The following SMC1A variants were observed in gnomAD, a reference collection of about 807,000 sequenced individuals.
SMC1A encodes the protein structural maintenance of chromosomes 1A.
In SMC1A, 4 loss-of-function variants were observed where a neutral mutation model predicts 94.5. The ratio of observed to expected loss-of-function variants is 0.04; its 90% CI spans 0.02 to 0.10. The LOEUF is 0.10. Among genes scored for constraint, SMC1A ranks in the 10% least tolerant of loss-of-function variants. The pLI is 1.00. For synonymous variants in SMC1A, 345 were observed against 347.7 expected (o/e 0.99, Z 0.09); for missense variants, 304 against 989.0 (o/e 0.31, Z 9.29).
At chrX:53,418,462 T>A (rs1174128035) in intron 1 of SMC1A, among the ~76,000 whole-genome samples, 1 of 111,945 alleles carries the variant, frequency 8.9e-6, no homozygotes, top group Non-Finnish European at 1.9e-5. Context: ...TGAGACAGGG[T>A]CTGACTCTGT....
chrX:53,391,031 G>A (rs2075627435), intron 19 of SMC1A, among the ~76,000 whole-genome samples: 1 of 104,427 alleles, frequency 9.6e-6, no homozygotes, highest in East Asian at 3.0e-4. Context: ...AAGAAAAATG[G>A]GGCCAGGTGT....
intron 9 of SMC1A, among the ~76,000 whole-genome samples, chrX:53,408,426 G>A (rs988550351): frequency 2.7e-5 from 3 of 111,614 alleles, no homozygotes; most frequent in Non-Finnish European, 5.6e-5. Context: ...CAGATTAAGG[G>A]GGCAGGGACT....
chrX:53,384,446 TAG>T (rs782426382), intron 19 of SMC1A, among the ~76,000 whole-genome samples: 5 of 109,680 alleles, frequency 4.6e-5, no homozygotes, highest in Non-Finnish European at 9.5e-5. Flanking sequence ...GTATTTTTTG[TAG>T]AGACAGAGTT....
intron 19 of SMC1A, among the ~76,000 whole-genome samples, chrX:53,387,438 G>A (rs2075609307): frequency 8.9e-6 from 1 of 112,076 alleles, no homozygotes; most frequent in African/African-American, 3.2e-5. Context: ...AATCAATGAC[G>A]TTAAACTAAA....
At chrX:53,403,700 G>A (rs782462009) in intron 14 of SMC1A, 28 bp from the exon 15 acceptor site, 43 of 1,180,801 alleles carry the variant, frequency 3.6e-5, no homozygotes, top group South Asian at 9.1e-5. Context: ...GGAGGGCATC[G>A]GCCCTTTTAG....
chrX:53,409,017 A>G, intron 9 of SMC1A, 45 bp downstream of exon 9: 1 of 1,127,207 alleles, frequency 8.9e-7, no homozygotes, highest in Non-Finnish European at 1.2e-6. Flanking sequence ...ATCGTGTGAC[A>G]GTGAGTGTAA....
intron 1 of SMC1A, 75 bp downstream of exon 1, chrX:53,422,416 TG>T: frequency 1.4e-6 from 1 of 703,456 alleles, no homozygotes; most frequent in Non-Finnish European, 2.3e-6. Flanking sequence ...TTACATGGGC[TG>T]GGTTGTACTA....
chrX:53,404,120 C>T (rs1490176588), intron 13 of SMC1A, among the ~76,000 whole-genome samples: 4 of 111,460 alleles, frequency 3.6e-5, no homozygotes, highest in Middle Eastern at 4.6e-3. Context: ...GCTGGGGACA[C>T]AGTAAACATC....
chrX:53,405,559 A>G lies in SMC1A; in HGVS notation c.1845T>C (p.Asn615=). The G allele has an allele frequency of 8.2e-7, 1 of 1,212,201 alleles. No individual in the cohort carries two copies. Among genetic ancestry groups the G allele is most frequent in the Non-Finnish European group, 1.1e-6 (1 of 895,606 alleles). Residue 615 remains asparagine (N), a synonymous_variant, in exon 11 of 25, where the codon AAT becomes AAC. Coordinates refer to ENST00000322213, the MANE Select transcript of SMC1A (RefSeq NM_006306.4). ...IKKALQYACG[N]ALVCDNVEDA... is the part of the protein sequence containing the mutation. ...CTTCCACGTTGTCACAGACAAGGGC[A>G]TTGCCACAAGCATACTGCAGGGCCT...
intron 19 of SMC1A, among the ~76,000 whole-genome samples, chrX:53,387,687 T>C (rs2146586461): frequency 9.0e-6 from 1 of 111,206 alleles, no homozygotes; most frequent in African/African-American, 3.3e-5. Context: ...ATGGGGAGGA[T>C]GAATCTGGAC....
In SMC1A at chrX:53,378,674, T is replaced by C. The variant is rs1376917030; in HGVS notation, c.*1429A>G. The C allele has an allele frequency of 1.8e-5, 2 of 112,644 alleles. No homozygotes were observed. The highest frequency in any genetic ancestry group is 3.7e-5 in the Non-Finnish European group (2 of 53,354). The allele number at this position is 112,644 out of a possible 1,213,427, so 9.3% of individuals were successfully genotyped here. ...TTCATGCATATTTGGGTAATTAGAA[T>C]GGACTTAACTTTTAAAAAGCAATAT... On this transcript the variant is annotated 3_prime_UTR_variant, in exon 25 of 25. Transcript: ENST00000322213.
intron 19 of SMC1A, among the ~76,000 whole-genome samples, chrX:53,384,997 A>G (rs2075599159): frequency 9.1e-6 from 1 of 109,894 alleles, no homozygotes; most frequent in African/African-American, 3.3e-5. Flanking sequence ...AAAAAAATAT[A>G]TATATATATA....
intron 1 of SMC1A, among the ~76,000 whole-genome samples, chrX:53,420,594 G>A (rs2075751030): frequency 9.1e-6 from 1 of 110,354 alleles, no homozygotes; most frequent in African/African-American, 3.3e-5. Context: ...TTGACACACA[G>A]AGTAGGTACT....
intron 1 of SMC1A, among the ~76,000 whole-genome samples, chrX:53,416,310 A>AAAAAT (rs1310647345): frequency 9.4e-6 from 1 of 106,554 alleles, no homozygotes; most frequent in Non-Finnish European, 1.9e-5. Flanking sequence ...CTCAAAAAAA[A>AAAAAT]AAAATAAAAT....
At chrX:53,389,602 C>T (rs1380888085) in intron 19 of SMC1A, among the ~76,000 whole-genome samples, 1 of 110,074 alleles carries the variant, frequency 9.1e-6, no homozygotes, top group Non-Finnish European at 1.9e-5. Flanking sequence ...TGGTGGCGGG[C>T]ACCTGTAATC....
At chrX:53,380,277 C>T in intron 24 of SMC1A, 91 bp from the exon 25 acceptor site, 1 of 640,542 alleles carries the variant, frequency 1.6e-6, no homozygotes, top group Non-Finnish European at 2.5e-6. Flanking sequence ...TCAAACCCTC[C>T]TCCCTACATA....
At position 53,394,856 on chromosome X, in the gene SMC1A, A is replaced by G. The variant is rs2075645097; in HGVS notation, c.2895T>C (p.Gly965=). The stretch of plus-strand genomic sequence containing the variant: ...CATAGATACTGGAAATTCTCTGTGA[A>G]CCACTCACTGAGTCCTCCCCCTGGG... The part of the protein sequence containing the change: ...GSSQGEDSVS[G]SQRISSIYAR... Residue 965 remains glycine, a synonymous_variant, in exon 19 of 25, where the codon GGT becomes GGC. Transcript: ENST00000322213. 1 of 1,199,003 alleles carries G rather than the reference A, an allele frequency of 8.3e-7. No homozygotes were observed. Among genetic ancestry groups the G allele is most frequent in the African/African-American group, 1.7e-5 (1 of 57,319 alleles).
chrX:53,404,866 G>T, intron 13 of SMC1A, 146 bp downstream of exon 13: 1 of 634,427 alleles, frequency 1.6e-6, no homozygotes, highest in Non-Finnish European at 2.5e-6. Flanking sequence ...CTGAACCCCT[G>T]GCTGTCTGAC....
chrX:53,384,672 G>T (rs1320529256), intron 19 of SMC1A, among the ~76,000 whole-genome samples: 4 of 111,635 alleles, frequency 3.6e-5, no homozygotes, highest in Non-Finnish European at 7.5e-5. Context: ...AGCAAGCCAG[G>T]AATGGTGGCT....
Sources: allele counts gnomAD v4.1 joint callset (sites outside exome capture counted in the v4.1 genomes callset), GRCh38; gene constraint gnomAD v4.1.1; transcripts MANE v1.5; gene names NCBI Gene and HGNC (gene_info 2026-07-23, HGNC 2026-07-21).